TGFBR3: variants seen among roughly 807,000 people sequenced by gnomAD.
TGFBR3 encodes transforming growth factor beta receptor 3, also known as transforming growth factor beta receptor type 3.
Under a neutral mutation model 87.9 loss-of-function variants are expected in TGFBR3, and 46 were observed. The observed-to-expected ratio is 0.52, with a 90% CI of 0.41 to 0.67. The LOEUF (loss-of-function observed/expected upper bound fraction) is 0.67. Ranked by LOEUF, TGFBR3 falls within the 30% of genes least tolerant of loss-of-function variation. The pLI, the probability that TGFBR3 is intolerant of heterozygous loss-of-function variation, is 0.00. For missense variants in TGFBR3, 866 were observed against 1,041.9 expected (o/e 0.83, Z 2.32); for synonymous variants, 381 against 391.6 (o/e 0.97, Z 0.32).
chr1:91,784,605 G>A (rs1055438876), intron 3 of TGFBR3, among the ~76,000 whole-genome samples: 4 of 152,196 alleles, frequency 2.6e-5, no homozygotes, highest in African/African-American at 7.2e-5. Context: ...AAGCAATCAG[G>A]CAAGGGTTTG....
chr1:91,704,384 G>A (rs915736308), intron 14 of TGFBR3, among the ~76,000 whole-genome samples: 2 of 151,722 alleles, frequency 1.3e-5, no homozygotes, highest in African/African-American at 2.4e-5. Flanking sequence ...GGGGCAGGAA[G>A]AGGGGTGTGA....
At chr1:91,749,634 T>G (rs752681768) in intron 4 of TGFBR3, among the ~76,000 whole-genome samples, 1 of 151,710 alleles carries the variant, frequency 6.6e-6, no homozygotes, top group African/African-American at 2.4e-5. Flanking sequence ...CAGGAAGGAG[T>G]TGGACCATCC....
At chr1:91,706,982 A>C (rs1571425568) in intron 14 of TGFBR3, among the ~76,000 whole-genome samples, 1 of 152,260 alleles carries the variant, frequency 6.6e-6, no homozygotes, top group Non-Finnish European at 1.5e-5. Flanking sequence ...ATAAAAGTAA[A>C]ACAAACAACA....
chr1:91,751,927 G>A (rs566341360), intron 4 of TGFBR3, among the ~76,000 whole-genome samples: 4 of 152,252 alleles, frequency 2.6e-5, no homozygotes, highest in South Asian at 4.1e-4. Flanking sequence ...TCTAGCAGTC[G>A]TACTATCAAA....
chr1:91,797,265 G>C (rs969490567), intron 3 of TGFBR3, 22 bp downstream of exon 3: 2 of 1,613,330 alleles, frequency 1.2e-6, no homozygotes, highest in Non-Finnish European at 8.5e-7. Flanking sequence ...GCAGTGGGCT[G>C]AGAGCTGACA....
rs114627990 is a variant in TGFBR3 at position 91,737,618 on chromosome 1, C to T, written c.385-2659G>A. Among the ~76,000 whole-genome samples, 1,292 of 152,264 alleles carry T rather than the reference C, an allele frequency of 8.5e-3. 18 individuals carry two copies. The highest frequency in any genetic ancestry group is 0.03 in the African/African-American group (1,230 of 41,562). On this transcript the variant is annotated intron_variant, in intron 4 of 16. Coordinates refer to ENST00000212355, the MANE Select transcript of TGFBR3 (RefSeq NM_003243.5). Reference sequence around the variant, plus strand: ...TTAGATTCATTTTTTATACACTAGTCTGAGCCATGCCTACTAGAACAAAGA... The same window carrying T: ...TTAGATTCATTTTTTATACACTAGTTTGAGCCATGCCTACTAGAACAAAGA...
chr1:91,789,560 G>A (rs544347658), intron 3 of TGFBR3, among the ~76,000 whole-genome samples: 6 of 152,322 alleles, frequency 3.9e-5, no homozygotes, highest in African/African-American at 1.4e-4. Context: ...TGGTAGGAAC[G>A]TTTTAACTTC....
chr1:91,797,410 G>A lies in TGFBR3; in HGVS notation c.123C>T (p.Ala41=), dbSNP rs965241767. The A allele has an allele frequency of 1.9e-6, 3 of 1,614,224 alleles. No homozygotes were observed. The highest frequency in any genetic ancestry group is 2.5e-6 in the Non-Finnish European group (3 of 1,180,040). ...SPVSASHPVQ[A]LMESFTVLSG... is the part of the protein sequence containing the mutation. The stretch of plus-strand genomic sequence containing the variant: ...ACAAAACAGTGAAGCTCTCCATCAA[G>A]GCCTGGACAGGATGGGAGGCACTGA... The change falls in exon 3 of 17, where the codon GCC becomes GCT. Residue 41 remains alanine, a synonymous_variant. Transcript: ENST00000212355.
At chr1:91,733,342 C>T (rs933838531) in intron 5 of TGFBR3, among the ~76,000 whole-genome samples, 5 of 152,206 alleles carry the variant, frequency 3.3e-5, no homozygotes, top group African/African-American at 1.2e-4. Context: ...TTCACTTAGC[C>T]CTCCACTAAG....
In TGFBR3 at chr1:91,684,752, T is replaced by C. The variant is rs531172926; in HGVS notation, c.2438-895A>G. ...CGGCCTCAGTGCAACCCTCAAAAAA[T>C]GGCTCTAGGTAGGGAAAAGCGATCA... On this transcript the variant is annotated intron_variant, in intron 16 of 16. Transcript: ENST00000212355. 3.3e-5 allele frequency among the ~76,000 whole-genome samples: 5 copies of C among 152,248 alleles called. 1 individual carries two copies. Among genetic ancestry groups the C allele is most frequent in the African/African-American group, 1.2e-4 (5 of 41,540 alleles).
Position 91,680,724 on chromosome 1 carries a change from C to A in TGFBR3, c.*3015G>T. On this transcript the variant is annotated 3_prime_UTR_variant, in exon 17 of 17. Coordinates refer to ENST00000212355, the MANE Select transcript of TGFBR3 (RefSeq NM_003243.5). ...CTGTTAACACAACCAGCAGTACAAT[C>A]ATCATTCAAACCATGAGGTAGTTAC... is the stretch of plus-strand genomic sequence containing the variant. 2.2e-6 allele frequency: 1 copy of A among 454,082 alleles called. No homozygotes were observed. The highest frequency in any genetic ancestry group is 1.6e-5 in the South Asian group (1 of 64,476). The allele number at this position is 454,082 out of a possible 1,614,324, so 28.1% of individuals were successfully genotyped here. A position where few individuals can be genotyped will look rare whatever the true frequency, so the allele number is the denominator to read the frequency against.
chr1:91,776,566 G>C (rs1674573348), intron 3 of TGFBR3, among the ~76,000 whole-genome samples: 1 of 152,042 alleles, frequency 6.6e-6, no homozygotes, highest in South Asian at 2.1e-4. Context: ...CTCCCTTCCA[G>C]GGGTGTTGAA....
intron 2 of TGFBR3, among the ~76,000 whole-genome samples, chr1:91,826,217 C>A (rs940175566): frequency 1.3e-5 from 2 of 151,978 alleles, no homozygotes; most frequent in Admixed American, 6.6e-5. Flanking sequence ...AGTGAGGTAG[C>A]ACATTAGAGG....
At chr1:91,825,191 G>A (rs921802734) in intron 2 of TGFBR3, among the ~76,000 whole-genome samples, 3 of 152,242 alleles carry the variant, frequency 2.0e-5, no homozygotes, top group Admixed American at 6.5e-5. Context: ...GTATATGAAT[G>A]CCCATAACAA....
intron 2 of TGFBR3, among the ~76,000 whole-genome samples, chr1:91,897,736 A>G (rs1201183319): frequency 1.3e-5 from 2 of 152,250 alleles, no homozygotes; most frequent in Non-Finnish European, 1.5e-5. Flanking sequence ...TCCAGGCACA[A>G]AGTAGAAAAT....
intron 14 of TGFBR3, among the ~76,000 whole-genome samples, chr1:91,702,369 G>A (rs563566584): frequency 9.9e-5 from 15 of 152,084 alleles, no homozygotes; most frequent in South Asian, 2.1e-4. Flanking sequence ...CCTAATCGCC[G>A]GGCGCGGTGG....
At chr1:91,714,046 A>G (rs929191174) in intron 12 of TGFBR3, among the ~76,000 whole-genome samples, 1 of 150,890 alleles carries the variant, frequency 6.6e-6, no homozygotes, top group Admixed American at 6.6e-5. Flanking sequence ...ATAAATTATC[A>G]GCAAATCTTT....
In TGFBR3 at chr1:91,683,500, T is replaced by C. The variant is rs1224613967; in HGVS notation, c.*239A>G. 1.5e-6 allele frequency: 1 copy of C among 685,112 alleles called. No individual in the cohort carries two copies. The highest frequency in any genetic ancestry group is 2.8e-5 in the East Asian group (1 of 35,894). 42.4% of individuals were successfully genotyped at this position (685,112 alleles called of 1,614,324 possible). On this transcript the variant is annotated 3_prime_UTR_variant, in exon 17 of 17. Transcript: ENST00000212355. The stretch of plus-strand genomic sequence containing the variant: ...GGGGCTGGTGGAGAAGACCACCATT[T>C]TAGCTTTCTCACATGAATTCTAGTG...
chr1:91,733,418 C>T (rs188901033), intron 5 of TGFBR3, among the ~76,000 whole-genome samples: 105 of 152,288 alleles, frequency 6.9e-4, no homozygotes, highest in African/African-American at 2.5e-3. Flanking sequence ...GTGGGATGCA[C>T]GTGAAGGCCC....
Sources: allele counts gnomAD v4.1 joint callset (sites outside exome capture counted in the v4.1 genomes callset), GRCh38; gene constraint gnomAD v4.1.1; transcripts MANE v1.5; gene names NCBI Gene and HGNC (gene_info 2026-07-23, HGNC 2026-07-21).